Variants in ZDHHC3 observed in about 807,000 individuals in gnomAD.
The protein encoded by ZDHHC3 is zDHHC palmitoyltransferase 3, also known as palmitoyltransferase ZDHHC3.
Under a neutral mutation model 30.6 loss-of-function variants are expected in ZDHHC3, and 9 were observed. That is an observed-to-expected ratio of 0.29 (90% CI 0.18 to 0.51). The LOEUF is 0.51. Ranked by LOEUF, ZDHHC3 falls within the 20% of genes least tolerant of loss-of-function variation. The pLI is 0.97. For synonymous variants in ZDHHC3, 136 were observed against 140.2 expected (o/e 0.97, Z 0.21); for missense variants, 246 against 384.2 (o/e 0.64, Z 3.01).
At chr3:44,941,056 A>T (rs1178190535) in intron 3 of ZDHHC3, among the ~76,000 whole-genome samples, 3 of 152,322 alleles carry the variant, frequency 2.0e-5, no homozygotes, top group African/African-American at 7.2e-5. Flanking sequence ...AGCCAAGCCC[A>T]GGGCCCCCTT....
chr3:44,921,295 C>A lies in ZDHHC3; in HGVS notation c.*5394G>T, dbSNP rs891971521. ...CAGAACGAGAACAGGCTGTTCCCTG[C>A]TCCCTGTATCATCAGATGTAGAAAG... is the stretch of plus-strand genomic sequence containing the variant. On this transcript the variant is annotated 3_prime_UTR_variant, in exon 7 of 7. Transcript: ENST00000424952. 4 of 985,290 alleles carry A rather than the reference C, an allele frequency of 4.1e-6. No homozygotes were observed. The highest frequency in any genetic ancestry group is 3.5e-5 in the African/African-American group (2 of 57,222). 61.0% of individuals were successfully genotyped at this position (985,290 alleles called of 1,614,324 possible). A position where few individuals can be genotyped will look rare whatever the true frequency, so the allele number is the denominator to read the frequency against.
intron 1 of ZDHHC3, among the ~76,000 whole-genome samples, 149 bp downstream of exon 1, chr3:44,975,768 TCTCTCACACACACACA>T (rs750296321): frequency 7.1e-6 from 1 of 140,816 alleles, no homozygotes; most frequent in African/African-American, 2.9e-5. Flanking sequence ...TCTCTCTCTC[TCTCTCACACACACACA>T]CACACACACA....
chr3:44,924,883 A>G lies in ZDHHC3; in HGVS notation c.*1806T>C. ...TCAGCCTCGCCCGTATCGCATGAAT[A>G]GCACCGTAGACACGAGGTAAAGTTA... On this transcript the variant is annotated 3_prime_UTR_variant, in exon 7 of 7. Transcript: ENST00000424952. 1.0e-6 allele frequency: 1 copy of G among 985,598 alleles called. No homozygotes were observed. Among genetic ancestry groups the G allele is most frequent in the Non-Finnish European group, 1.2e-6 (1 of 829,950 alleles). The allele number at this position is 985,598 out of a possible 1,614,324, so 61.1% of individuals were successfully genotyped here.
At chr3:44,947,949 G>C (rs1304012094) in intron 2 of ZDHHC3, among the ~76,000 whole-genome samples, 1 of 152,210 alleles carries the variant, frequency 6.6e-6, no homozygotes, top group Non-Finnish European at 1.5e-5. Context: ...GCTTGGCCCA[G>C]CTCCCAAACA....
chr3:44,953,557 C>T, intron 2 of ZDHHC3, among the ~76,000 whole-genome samples: 1 of 152,206 alleles, frequency 6.6e-6, no homozygotes, highest in Non-Finnish European at 1.5e-5. Flanking sequence ...TAAATTGTTT[C>T]AGGGCCATGG....
intron 1 of ZDHHC3, among the ~76,000 whole-genome samples, chr3:44,974,232 T>C (rs1705675272): frequency 6.6e-6 from 1 of 152,232 alleles, no homozygotes; most frequent in Non-Finnish European, 1.5e-5. Flanking sequence ...TGCAGACCCT[T>C]GTCCAGTATG....
At chr3:44,942,537 A>G (rs548880998) in intron 3 of ZDHHC3, among the ~76,000 whole-genome samples, 7 of 152,338 alleles carry the variant, frequency 4.6e-5, no homozygotes, top group Admixed American at 1.3e-4. Flanking sequence ...CGGTGGAGGC[A>G]GCTGAGGGCT....
intron 2 of ZDHHC3, among the ~76,000 whole-genome samples, chr3:44,948,283 T>C (rs960393413): frequency 4.6e-5 from 7 of 152,130 alleles, no homozygotes; most frequent in African/African-American, 1.7e-4. Flanking sequence ...GCAGAAGGGA[T>C]GAAGACTGGG....
Position 44,920,529 on chromosome 3 carries a change from T to C in ZDHHC3, c.*6160A>G, listed in dbSNP as rs1357751688. On this transcript the variant is annotated 3_prime_UTR_variant, in exon 7 of 7. Coordinates refer to ENST00000424952, the MANE Select transcript of ZDHHC3 (RefSeq NM_001135179.2). ...GGTATGAGTATTGATGATTGGCAGATGGGGAAGAAACAGAAGTTCCAAGAG... is the reference window on the plus strand; with the variant it reads ...GGTATGAGTATTGATGATTGGCAGACGGGGAAGAAACAGAAGTTCCAAGAG... 1 of 985,310 alleles carries C rather than the reference T, an allele frequency of 1.0e-6. No individual in the cohort carries two copies. The highest frequency in any genetic ancestry group is 1.2e-6 in the Non-Finnish European group (1 of 829,890). The allele number at this position is 985,310 out of a possible 1,614,324, so 61.0% of individuals were successfully genotyped here.
intron 3 of ZDHHC3, among the ~76,000 whole-genome samples, chr3:44,944,154 AT>A (rs1055028318): frequency 2.0e-4 from 30 of 147,288 alleles, no homozygotes; most frequent in Admixed American, 2.0e-4. Flanking sequence ...TTAAAAAAAA[AT>A]TTTTTTTTTT....
Position 44,922,062 on chromosome 3 carries a change from G to C in ZDHHC3, c.*4627C>G. On this transcript the variant is annotated 3_prime_UTR_variant, in exon 7 of 7. Coordinates refer to ENST00000424952, the MANE Select transcript of ZDHHC3 (RefSeq NM_001135179.2). ...GCTCAAGTCAGCAAGATGTTTACTT[G>C]AGGGAGAGGGTGAGAAAAAGAAGGT... 1 of 985,464 alleles carries C rather than the reference G, an allele frequency of 1.0e-6. No individual in the cohort carries two copies. The highest frequency in any genetic ancestry group is 1.2e-6 in the Non-Finnish European group (1 of 829,928). The allele number at this position is 985,464 out of a possible 1,614,324, so 61.0% of individuals were successfully genotyped here. A position where few individuals can be genotyped will look rare whatever the true frequency, so the allele number is the denominator to read the frequency against.
rs931305229 is a variant in ZDHHC3 at position 44,940,601 on chromosome 3, G to A, written c.431+4567C>T. 7.2e-5 allele frequency among the ~76,000 whole-genome samples: 11 copies of A among 152,290 alleles called. No individual in the cohort carries two copies. In the South Asian group the frequency reaches 2.3e-3, roughly 32 times the overall value. ...AAAAGACCAAATGCCCTAAATGGAG[G>A]TATCTGCATCCTGGCCTTCCAGGTT... is the stretch of plus-strand genomic sequence containing the variant. On this transcript the variant is annotated intron_variant, in intron 3 of 6. Transcript: ENST00000424952.
In ZDHHC3 at chr3:44,924,149, C is replaced by A. The variant is rs1198617993; in HGVS notation, c.*2540G>T. The A allele has an allele frequency of 1.0e-6, 1 of 985,286 alleles. No individual in the cohort carries two copies. The highest frequency in any genetic ancestry group is 6.1e-5 in the Admixed American group (1 of 16,268). The allele number at this position is 985,286 out of a possible 1,614,324, so 61.0% of individuals were successfully genotyped here. On this transcript the variant is annotated 3_prime_UTR_variant, in exon 7 of 7. Transcript: ENST00000424952. Reference sequence around the variant, plus strand: ...AGTGCACCAAACAGTACTATCAGAACTCCTGTGACCAAGCCAAAAGTTGGG... The same window carrying A: ...AGTGCACCAAACAGTACTATCAGAAATCCTGTGACCAAGCCAAAAGTTGGG...
intron 1 of ZDHHC3, among the ~76,000 whole-genome samples, chr3:44,973,821 T>G (rs1575975733): frequency 6.6e-6 from 1 of 152,216 alleles, no homozygotes; most frequent in African/African-American, 2.4e-5. Context: ...TGTAAATTAG[T>G]GTTGAAAATT....
chr3:44,951,546 C>G (rs1159579895), intron 2 of ZDHHC3, among the ~76,000 whole-genome samples: 1 of 152,184 alleles, frequency 6.6e-6, no homozygotes, highest in Non-Finnish European at 1.5e-5. Context: ...GCCTCACTGT[C>G]CCTGGACTCA....
At position 44,970,572 on chromosome 3, in the gene ZDHHC3, C is replaced by T. The variant is rs184569826; in HGVS notation, c.-25+5361G>A. On this transcript the variant is annotated intron_variant, in intron 1 of 6. Coordinates refer to ENST00000424952, the MANE Select transcript of ZDHHC3 (RefSeq NM_001135179.2). The stretch of plus-strand genomic sequence containing the variant: ...CCTCTGTTCTCAGGAGCAAATTCAA[C>T]GTTTTCTTTGTTAATATCTTGGATT... Among the ~76,000 whole-genome samples, 52 of 152,306 alleles carry T rather than the reference C, an allele frequency of 3.4e-4. 1 individual carries two copies. The highest frequency in any genetic ancestry group is 1.1e-3 in the African/African-American group (46 of 41,568).
At chr3:44,928,119 G>A (rs755970719) in intron 6 of ZDHHC3, among the ~76,000 whole-genome samples, 8 of 152,186 alleles carry the variant, frequency 5.3e-5, no homozygotes, top group Non-Finnish European at 1.2e-4. Context: ...TATATCTTAC[G>A]TAGAGAAGTT....
At position 44,918,187 on chromosome 3, in the gene ZDHHC3, G is replaced by C. The variant is rs142115676; in HGVS notation, c.*8502C>G. 4,851 of 1,281,658 alleles carry C rather than the reference G, an allele frequency of 3.8e-3. 11 individuals carry two copies. The highest frequency in any genetic ancestry group is 4.7e-3 in the Non-Finnish European group (4,566 of 975,800). 79.4% of individuals were successfully genotyped at this position (1,281,658 alleles called of 1,614,324 possible). ...GAAGAACATCGTCAGCGTGGTGCTG[G>C]GCTGTACAGCTCACATAGACACCCC... On this transcript the variant is annotated 3_prime_UTR_variant, in exon 7 of 7. Transcript: ENST00000424952.
chr3:44,942,192 CG>C (rs1376870966), intron 3 of ZDHHC3, among the ~76,000 whole-genome samples: 2 of 152,256 alleles, frequency 1.3e-5, no homozygotes, highest in African/African-American at 4.8e-5. Context: ...TTTGCCTGAG[CG>C]GGCAAGGTCG....
Sources: gnomAD v4.1 joint callset for allele counts (sites outside exome capture counted in the v4.1 genomes callset) on GRCh38, gnomAD v4.1.1 for gene constraint, MANE v1.5 for transcripts, NCBI Gene and HGNC (gene_info 2026-07-23, HGNC 2026-07-21) for gene names.